Variants in ZBTB25 observed in about 807,000 individuals in gnomAD.
ZBTB25 encodes zinc finger and BTB domain-containing protein 25.
In ZBTB25, 20 loss-of-function variants were observed where a neutral mutation model predicts 34.2. The observed-to-expected ratio is 0.58, with a 90% confidence interval of 0.41 to 0.85. The LOEUF is 0.85. Ranked by LOEUF, ZBTB25 falls within the 40% of genes least tolerant of loss-of-function variation. ZBTB25 has a pLI of 0.00. For synonymous variants in ZBTB25, 175 were observed against 186.4 expected (o/e 0.94, Z 0.50); for missense variants, 437 against 521.8 (o/e 0.84, Z 1.58).
rs192925506 is a variant in ZBTB25 at position 64,478,773 on chromosome 14, C to T, written c.*8150G>A. On this transcript the variant is annotated 3_prime_UTR_variant, in exon 3 of 3. Transcript: ENST00000608382. ...TAGTCTTGACTCTATAAAGCATGAT[C>T]CAAAAGTAGCTAAGCCCTAAATAAT... is the stretch of plus-strand genomic sequence containing the variant. 28 of 152,104 alleles carry T rather than the reference C, an allele frequency of 1.8e-4. 1 individual carries two copies. The highest frequency in any genetic ancestry group is 2.9e-5 in the Non-Finnish European group (2 of 68,024). The allele number at this position is 152,104 out of a possible 1,614,324, so 9.4% of individuals were successfully genotyped here.
chr14:64,456,592 C>T (rs1006961543), intron 2 of ZBTB25, among the ~76,000 whole-genome samples: 2 of 152,110 alleles, frequency 1.3e-5, no homozygotes, highest in African/African-American at 2.4e-5. Flanking sequence ...TGCACATGCC[C>T]GTCTACAACA....
chr14:64,504,289 G>C (rs568270081), upstream of ZBTB25, among the ~76,000 whole-genome samples: 2 of 152,106 alleles, frequency 1.3e-5, no homozygotes, highest in East Asian at 3.9e-4. Context: ...GGGCGACCCT[G>C]AACCGACGGG....
chr14:64,496,764 T>C (rs911229467), intron 1 of ZBTB25, among the ~76,000 whole-genome samples: 1 of 152,230 alleles, frequency 6.6e-6, no homozygotes, highest in Non-Finnish European at 1.5e-5. Context: ...TCATCTCTTG[T>C]TTTGGTTCAA....
rs1253367142 is a variant in ZBTB25, at chr14:64,483,931, C to T, written c.*2992G>A. ...TGCACTCCAGCCTGGCGACACAGCACGACTGTCTCAAAAAAAAAAAAAAAA... is the reference window on the plus strand; with the variant it reads ...TGCACTCCAGCCTGGCGACACAGCATGACTGTCTCAAAAAAAAAAAAAAAA... On this transcript the variant is annotated 3_prime_UTR_variant, in exon 3 of 3. Transcript: ENST00000608382. 1.8e-5 allele frequency: 2 copies of T among 109,720 alleles called. No homozygotes were observed. Among genetic ancestry groups the T allele is most frequent in the South Asian group, 2.8e-4 (1 of 3,552 alleles). 6.8% of individuals were successfully genotyped at this position (109,720 alleles called of 1,614,324 possible).
intron 1 of ZBTB25, among the ~76,000 whole-genome samples, chr14:64,492,087 C>T (rs2079099369): frequency 8.0e-6 from 1 of 124,260 alleles, no homozygotes; most frequent in African/African-American, 3.0e-5. Context: ...CACTGCACTT[C>T]ACCCTGGGTG....
At chr14:64,465,936 C>T (rs1305086528) in intron 2 of ZBTB25, among the ~76,000 whole-genome samples, 1 of 152,146 alleles carries the variant, frequency 6.6e-6, no homozygotes, top group African/African-American at 2.4e-5. Context: ...CTGCAGACAG[C>T]CTGAAGCTGG....
rs752830497 is a variant in ZBTB25, at chr14:64,487,618, G to C, written c.613C>G (p.Gln205Glu). ...ACAGATTCTGGGTCACATCTCTCCT[G>C]CTTGATGGAAACTGGGGGCTTCTGG... is the stretch of plus-strand genomic sequence containing the variant. ...EHQKPPVSIK[Q>E]ERCDPESVIS... The change falls in exon 3 of 3, where the codon CAG (glutamine) becomes GAG (glutamate). Residue 205 changes from glutamine (Q) to glutamate (E), a missense_variant. Gln to Glu is a conservative substitution (Grantham distance 29). Coordinates refer to ENST00000608382, the MANE Select transcript of ZBTB25 (RefSeq NM_006977.5). 1 of 1,606,572 alleles carries C rather than the reference G, an allele frequency of 6.2e-7. No individual in the cohort carries two copies. The highest frequency in any genetic ancestry group is 8.5e-7 in the Non-Finnish European group (1 of 1,176,276).
At position 64,478,220 on chromosome 14, in the gene ZBTB25, A is replaced by T. The variant is rs2078737766; in HGVS notation, c.*8703T>A. The T allele has an allele frequency of 6.6e-6, 1 of 152,196 alleles. No homozygotes were observed. The highest frequency in any genetic ancestry group is 1.5e-5 in the Non-Finnish European group (1 of 68,028). 9.4% of individuals were successfully genotyped at this position (152,196 alleles called of 1,614,324 possible). A position where few individuals can be genotyped will look rare whatever the true frequency, so the allele number is the denominator to read the frequency against. ...GGAGAAGCAACTGGTGATTAGGTAC[A>T]AAGTCCTAGGATGATGAGAATAATA... On this transcript the variant is annotated 3_prime_UTR_variant, in exon 3 of 3. Transcript: ENST00000608382.
chr14:64,468,949 C>T (rs1432214307), intron 2 of ZBTB25: 1 of 1,614,060 alleles, frequency 6.2e-7, no homozygotes, highest in East Asian at 2.2e-5. Flanking sequence ...TAAGTGAAGG[C>T]ATCTCACGGA....
intron 1 of ZBTB25, chr14:64,502,437 T>TA (rs770516198): frequency 1.3e-5 from 2 of 158,930 alleles, no homozygotes; most frequent in Non-Finnish European, 2.7e-5. Flanking sequence ...TCCAGATTGT[T>TA]AAAGAAGACT....
At chr14:64,500,475 A>AAAAAAG (rs35009526) in intron 1 of ZBTB25, among the ~76,000 whole-genome samples, 112 of 70,558 alleles carry the variant, frequency 1.6e-3, no homozygotes, top group South Asian at 3.2e-3. Context: ...AAAAAAAAAA[A>AAAAAAG]AGAGAGAGAG....
upstream of ZBTB25, among the ~76,000 whole-genome samples, chr14:64,504,334 C>T (rs570261504): frequency 6.6e-6 from 1 of 151,500 alleles, no homozygotes; most frequent in Non-Finnish European, 1.5e-5. Flanking sequence ...CGAGGCGGAC[C>T]GCGAGTGACG....
upstream of ZBTB25, chr14:64,504,901 C>T (rs916823118): frequency 1.3e-4 from 53 of 396,048 alleles, no homozygotes; most frequent in African/African-American, 9.5e-4. Context: ...GCTGATTTGC[C>T]TTAAACTCCC....
Position 64,487,836 on chromosome 14 carries a change from T to C in ZBTB25, c.395A>G (p.Gln132Arg), listed in dbSNP as rs1266786286. The C allele has an allele frequency of 1.9e-6, 3 of 1,614,226 alleles. No individual in the cohort carries two copies. In the East Asian group the frequency reaches 6.7e-5, roughly 36 times the overall value. ...AACTGTTTTTTGGGTTGTTGAGATC[T>C]GAATGCCATATAAATTTGAGGACTG... Reference protein sequence around the residue: ...TVQSSNLYGIQISTTQKTVVK... With the variant: ...TVQSSNLYGIRISTTQKTVVK... The change falls in exon 3 of 3, where the codon CAG becomes CGG. Residue 132 changes from glutamine (Q) to arginine (R), a missense_variant. Physicochemically the swap from Gln to Arg is conservative, Grantham distance 43 (BLOSUM62 1). Transcript: ENST00000608382.
At position 64,487,972 on chromosome 14, in the gene ZBTB25, T is replaced by C. The variant is rs766157675; in HGVS notation, c.259A>G (p.Lys87Glu). The C allele has an allele frequency of 6.2e-7, 1 of 1,614,190 alleles. No individual in the cohort carries two copies. Residue 87 changes from lysine to glutamate, a missense_variant, in exon 3 of 3, where the codon AAA (lysine) becomes GAA (glutamate). Transcript: ENST00000608382. ...LHIMYTGKGPKQIVDHSRLEE... is the reference protein window; with the variant it reads ...LHIMYTGKGPEQIVDHSRLEE... Reference sequence around the variant, plus strand: ...AAACGACTATGATCCACAATCTGTTTTGGCCCTTTCCCCGTGTACATAATG... The same window carrying C: ...AAACGACTATGATCCACAATCTGTTCTGGCCCTTTCCCCGTGTACATAATG...
Position 64,486,139 on chromosome 14 carries a change from A to T in ZBTB25, c.*784T>A. ...ACGGTGAAACCCCGTCTCTACTAAA[A>T]AAATACAAAAAAATTAGCTGGGCGT... On this transcript the variant is annotated 3_prime_UTR_variant, in exon 3 of 3. Coordinates refer to ENST00000608382, the MANE Select transcript of ZBTB25 (RefSeq NM_006977.5). 4 of 677,252 alleles carry T rather than the reference A, an allele frequency of 5.9e-6. No individual in the cohort carries two copies. Among genetic ancestry groups the T allele is most frequent in the Non-Finnish European group, 7.3e-6 (4 of 548,902 alleles). The allele number at this position is 677,252 out of a possible 1,614,324, so 42.0% of individuals were successfully genotyped here. A position where few individuals can be genotyped will look rare whatever the true frequency, so the allele number is the denominator to read the frequency against.
chr14:64,468,934 G>A, intron 2 of ZBTB25: 1 of 1,614,126 alleles, frequency 6.2e-7, no homozygotes, highest in Non-Finnish European at 8.5e-7. Flanking sequence ...AGTCAACCCA[G>A]GATCTAAGTG....
At chr14:64,502,493 G>C (rs2079529412) in intron 1 of ZBTB25, 1 of 241,734 alleles carries the variant, frequency 4.1e-6, no homozygotes, top group Non-Finnish European at 6.7e-6. Flanking sequence ...AAATAATAGA[G>C]AACAGCAATG....
downstream of ZBTB25, among the ~76,000 whole-genome samples, chr14:64,476,967 A>G (rs567151878): frequency 7.2e-5 from 11 of 152,308 alleles, no homozygotes; most frequent in African/African-American, 2.6e-4. Context: ...TTTTCTCATT[A>G]AGGTATAATT....
Sources: gnomAD v4.1 joint callset for allele counts (sites outside exome capture counted in the v4.1 genomes callset) on GRCh38, gnomAD v4.1.1 for gene constraint, MANE v1.5 for transcripts, NCBI Gene and HGNC (gene_info 2026-07-23, HGNC 2026-07-21) for gene names.